The following TDP1 variants were observed in gnomAD, a reference collection of about 807,000 sequenced individuals.
The protein encoded by TDP1 is tyr-DNA phosphodiesterase 1.
A neutral mutation model predicts 81.5 loss-of-function variants in TDP1; 64 were observed. The ratio of observed to expected loss-of-function variants is 0.79; its 90% CI spans 0.64 to 0.97. The LOEUF (loss-of-function observed/expected upper bound fraction) is 0.97. Among genes scored for constraint, TDP1 ranks in the 50% least tolerant of loss-of-function variants. The probability of loss-of-function intolerance (pLI) is 0.00; values close to 1 mark genes in which losing one functional copy is unlikely to be tolerated. For synonymous variants in TDP1, 256 were observed against 264.3 expected, an observed-to-expected ratio of 0.97 and a Z score of 0.30; for missense variants, 723 against 743.8, an observed-to-expected ratio of 0.97 and a Z score of 0.33.
chr14:90,019,208 T>C, intron 14 of TDP1, 108 bp from the exon 15 acceptor site: 1 of 1,288,490 alleles, frequency 7.8e-7, no homozygotes, highest in Non-Finnish European at 1.1e-6. Flanking sequence ...TGAATGAATG[T>C]GATTGCAGCT....
chr14:89,975,317 G>A, intron 6 of TDP1: 2 of 576,744 alleles, frequency 3.5e-6, no homozygotes, highest in Non-Finnish European at 4.4e-6. Context: ...ACTTCGTGAT[G>A]TGCCCGCCTC....
chr14:90,038,500 G>T (rs1888036604), intron 16 of TDP1, among the ~76,000 whole-genome samples: 1 of 152,264 alleles, frequency 6.6e-6, no homozygotes, highest in South Asian at 2.1e-4. Context: ...AAGTTGATTG[G>T]ATTATCCTTT....
chr14:89,961,431 A>G (rs1892311078), intron 2 of TDP1, among the ~76,000 whole-genome samples: 1 of 152,228 alleles, frequency 6.6e-6, no homozygotes, highest in Admixed American at 6.5e-5. Context: ...GTGCTTATTT[A>G]GCTGCTGAAG....
chr14:89,998,679 A>G (rs1202162762), intron 14 of TDP1, among the ~76,000 whole-genome samples: 1 of 151,658 alleles, frequency 6.6e-6, no homozygotes, highest in Non-Finnish European at 1.5e-5. Context: ...ACGTGGTGAC[A>G]TTCATGCAGA....
At chr14:89,989,650 G>A in intron 11 of TDP1, 67 bp from the exon 12 acceptor site, 1 of 1,318,460 alleles carries the variant, frequency 7.6e-7, no homozygotes. Flanking sequence ...TTCCTTAAAA[G>A]CTGATTATCA....
upstream of TDP1, chr14:89,954,972 G>T: frequency 8.7e-6 from 4 of 461,912 alleles, no homozygotes; most frequent in South Asian, 1.2e-4. Context: ...AAATCCAAGC[G>T]CTTCTAGGTG....
intron 11 of TDP1, 199 bp from the exon 12 acceptor site, chr14:89,989,518 T>C: frequency 1.3e-6 from 1 of 782,044 alleles, no homozygotes; most frequent in Non-Finnish European, 1.6e-6. Context: ...AATTGAAGTA[T>C]AATTTTACAT....
intron 8 of TDP1, chr14:89,983,132 T>G: frequency 2.2e-6 from 1 of 456,072 alleles, no homozygotes; most frequent in Non-Finnish European, 4.4e-6. Flanking sequence ...TGTGAGTGAA[T>G]CTCTGATCCA....
At chr14:89,968,203 A>AGCT (rs1202356469) in intron 5 of TDP1, among the ~76,000 whole-genome samples, 1 of 137,302 alleles carries the variant, frequency 7.3e-6, no homozygotes, top group Non-Finnish European at 1.6e-5. Context: ...AATTAGTTTT[A>AGCT]GCTGCATGTA....
At chr14:89,965,750 A>C in intron 3 of TDP1, 1 of 984,646 alleles carries the variant, frequency 1.0e-6, no homozygotes, top group Non-Finnish European at 1.2e-6. Context: ...CATTTATAAA[A>C]TCTTTCTAGA....
chr14:89,981,512 G>C (rs1426501704), intron 8 of TDP1: 2 of 453,920 alleles, frequency 4.4e-6, no homozygotes, highest in Non-Finnish European at 8.9e-6. Flanking sequence ...TTAACAAACA[G>C]CCTTCTGTGT....
At chr14:90,000,985 C>G (rs1005412219) in intron 14 of TDP1, among the ~76,000 whole-genome samples, 1 of 152,186 alleles carries the variant, frequency 6.6e-6, no homozygotes, top group African/African-American at 2.4e-5. Context: ...ATAAAAGATT[C>G]ATAGAATCAC....
Position 90,041,654 on chromosome 14 carries a change from C to T in TDP1, c.1754-1416C>T, listed in dbSNP as rs143467206. Among the ~76,000 whole-genome samples, 187 of 152,324 alleles carry T rather than the reference C, an allele frequency of 1.2e-3. 1 individual carries two copies. Among genetic ancestry groups the T allele is most frequent in the African/African-American group, 4.3e-3 (178 of 41,574 alleles). On this transcript the variant is annotated intron_variant, in intron 16 of 16. Coordinates refer to ENST00000335725, the MANE Select transcript of TDP1 (RefSeq NM_018319.4). ...ACTGCTTTAACTTGGTGGTCCATGC[C>T]AGACCCGCCAAGAAGCAGTTTACAA...
In TDP1 at chr14:89,963,358, C is replaced by T. The variant is rs757585312; in HGVS notation, c.244C>T (p.Gln82Ter). The T allele has an allele frequency of 6.2e-7, 1 of 1,614,134 alleles. No homozygotes were observed. The highest frequency in any genetic ancestry group is 8.5e-7 in the Non-Finnish European group (1 of 1,180,020). The stretch of plus-strand genomic sequence containing the variant: ...TCCCAAAAGGCAGAAAAGCGGTTCC[C>T]AGGAGGACCTCGGCTGGTGTCTGTC... ...LPPKRQKSGS[Q>*]EDLGWCLSSS... Residue 82 changes from glutamine to a stop codon, truncating the protein, a stop_gained, in exon 3 of 17, where the codon CAG (glutamine) becomes TAG (stop). Transcript: ENST00000335725. LOFTEE classifies it high-confidence loss of function.
At chr14:90,011,531 A>G (rs531460384) in intron 14 of TDP1, among the ~76,000 whole-genome samples, 2 of 152,352 alleles carry the variant, frequency 1.3e-5, no homozygotes, top group South Asian at 2.1e-4. Flanking sequence ...GATATGGACA[A>G]TGAAGTCTAG....
intron 14 of TDP1, among the ~76,000 whole-genome samples, chr14:90,015,610 G>A (rs1359315467): frequency 2.6e-5 from 4 of 152,210 alleles, no homozygotes; most frequent in Admixed American, 2.0e-4. Context: ...CAATGTCAGT[G>A]TACCAGCATG....
At chr14:90,025,853 C>T (rs193083182) in intron 15 of TDP1, among the ~76,000 whole-genome samples, 1 of 152,300 alleles carries the variant, frequency 6.6e-6, no homozygotes, top group Non-Finnish European at 1.5e-5. Context: ...TTATTGAGCA[C>T]ATACTCTGTC....
chr14:90,035,338 C>G (rs1887710303), intron 16 of TDP1, among the ~76,000 whole-genome samples: 2 of 152,092 alleles, frequency 1.3e-5, no homozygotes, highest in South Asian at 4.1e-4. Context: ...GTGGAAATCC[C>G]CTATGCCTTT....
At chr14:90,006,156 T>G (rs1031693029) in intron 14 of TDP1, among the ~76,000 whole-genome samples, 1 of 152,206 alleles carries the variant, frequency 6.6e-6, no homozygotes, top group Non-Finnish European at 1.5e-5. Flanking sequence ...ATCTATTTGG[T>G]GGTTTGTCAG....
Sources: gnomAD v4.1 joint callset for allele counts (sites outside exome capture counted in the v4.1 genomes callset) on GRCh38, gnomAD v4.1.1 for gene constraint, MANE v1.5 for transcripts, NCBI Gene and HGNC (gene_info 2026-07-23, HGNC 2026-07-21) for gene names.